MMP16: variants seen among roughly 807,000 people sequenced by gnomAD.
MMP16 encodes matrix metalloproteinase-16.
MMP16 carries 12 observed loss-of-function variants against 67.8 expected under a neutral mutation model. The ratio of observed to expected loss-of-function variants is 0.18; its 90% confidence interval spans 0.11 to 0.29. The LOEUF (loss-of-function observed/expected upper bound fraction) is 0.29, where lower values mean the gene tolerates loss of function less well. MMP16 is among the 10% of genes least tolerant of loss of function. The pLI is 1.00. For synonymous variants in MMP16, 249 were observed against 255.9 expected, an observed-to-expected ratio of 0.97 and a Z score of 0.26; for missense variants, 475 against 765.7, an observed-to-expected ratio of 0.62 and a Z score of 4.48.
At chr8:88,288,295 T>A (rs376832534) in intron 1 of MMP16, among the ~76,000 whole-genome samples, 6 of 152,356 alleles carry the variant, frequency 3.9e-5, no homozygotes, top group African/African-American at 1.4e-4. Context: ...TTCTTCCAAA[T>A]GCAGTTAAGC....
chr8:88,213,709 G>T (rs1207884911), intron 1 of MMP16, among the ~76,000 whole-genome samples: 1 of 152,078 alleles, frequency 6.6e-6, no homozygotes, highest in African/African-American at 2.4e-5. Flanking sequence ...TGAGCCTATG[G>T]CCCTGAGGCT....
chr8:88,197,320 TAC>T lies in MMP16; in HGVS notation c.133-16_133-15del. The T allele has an allele frequency of 1.3e-6, 2 of 1,536,128 alleles. No individual in the cohort carries two copies. The highest frequency in any genetic ancestry group is 1.7e-6 in the Non-Finnish European group (2 of 1,143,848). ...TTGTAACCAAACCTGCAATAACAAG[TAC>T]AGTTTCTTTTAGATCAATTTTACAA... On this transcript the variant is annotated splice_polypyrimidine_tract_variant and intron_variant, in intron 1 of 9. Transcript: ENST00000286614.
chr8:88,200,283 T>C (rs771573998), intron 1 of MMP16, among the ~76,000 whole-genome samples: 1 of 152,020 alleles, frequency 6.6e-6, no homozygotes, highest in Non-Finnish European at 1.5e-5. Flanking sequence ...TATGTTTTCT[T>C]CATTTTGTGC....
intron 8 of MMP16, among the ~76,000 whole-genome samples, chr8:88,047,096 TAGC>T (rs1808209120): frequency 1.3e-5 from 1 of 76,524 alleles, no homozygotes; most frequent in South Asian, 4.6e-4. Flanking sequence ...TAAAAAGTGC[TAGC>T]TAAGTATATT....
At chr8:88,159,843 G>A (rs1281864660) in intron 4 of MMP16, among the ~76,000 whole-genome samples, 2 of 151,944 alleles carry the variant, frequency 1.3e-5, no homozygotes, top group African/African-American at 4.8e-5. Context: ...TAGCATGAAG[G>A]GCTGTTGAAT....
rs565132080 is a variant in MMP16, at chr8:88,040,457, C to A, written c.*1004G>T. 15 of 152,262 alleles carry A rather than the reference C, an allele frequency of 9.9e-5. No homozygotes were observed. Among genetic ancestry groups the A allele is most frequent in the Admixed American group, 9.8e-4 (15 of 15,244 alleles). The allele number at this position is 152,262 out of a possible 1,614,324, so 9.4% of individuals were successfully genotyped here. ...GTCTGATAGTTCTCAAAGGGTTACACGGGTATGTTACTAGTGTCACAAATC... is the reference window on the plus strand; with the variant it reads ...GTCTGATAGTTCTCAAAGGGTTACAAGGGTATGTTACTAGTGTCACAAATC... On this transcript the variant is annotated 3_prime_UTR_variant, in exon 10 of 10. Transcript: ENST00000286614.
intron 1 of MMP16, among the ~76,000 whole-genome samples, chr8:88,211,890 G>A (rs1430104761): frequency 6.6e-6 from 1 of 152,060 alleles, no homozygotes; most frequent in African/African-American, 2.4e-5. Flanking sequence ...ATTTATCCTT[G>A]CATTGAGTAA....
intron 1 of MMP16, among the ~76,000 whole-genome samples, chr8:88,298,502 T>C (rs913773883): frequency 6.6e-6 from 1 of 152,180 alleles, no homozygotes; most frequent in African/African-American, 2.4e-5. Context: ...GCAAGACCAA[T>C]GGCTCGGCAG....
rs774726745 is a variant in MMP16, at chr8:88,167,860, C to T, written c.518G>A (p.Ser173Asn). 5 of 1,614,018 alleles carry T rather than the reference C, an allele frequency of 3.1e-6. No individual in the cohort carries two copies. Among genetic ancestry groups the T allele is most frequent in the Non-Finnish European group, 4.2e-6 (5 of 1,179,968 alleles). ...TPLTFEEVPY[S>N]ELENGKRDVD... is the part of the protein sequence containing the mutation. ...ATCACGTTTGCCATTTTCTAATTCA[C>T]TGTAGGGAACTTCTTCAAATGTCAG... Residue 173 changes from serine (S) to asparagine (N), a missense_variant, in exon 4 of 10, where the codon AGT becomes AAT. Physicochemically the swap from Ser to Asn is conservative, Grantham distance 46 (BLOSUM62 1). This residue lies in a region of MMP16 where 170 missense variants were observed against 239.6 expected (regional missense o/e 0.71). Coordinates refer to ENST00000286614, the MANE Select transcript of MMP16 (RefSeq NM_005941.5).
chr8:88,147,770 T>C lies in MMP16; in HGVS notation c.709+19899A>G, dbSNP rs913108367. 1.4e-4 allele frequency among the ~76,000 whole-genome samples: 19 copies of C among 138,180 alleles called. No individual in the cohort carries two copies. The East Asian group carries it at 3.2e-3, about 23-fold the overall frequency. 90.7% of individuals were successfully genotyped at this position (138,180 alleles called of 152,430 possible). On this transcript the variant is annotated intron_variant, in intron 4 of 9. Transcript: ENST00000286614. ...TTGGTCCACAGTAGTTACTATAAAA[T>C]ATGTGTTTGTGTGTGTGTGTGTGTG...
chr8:88,104,876 A>C (rs1456822235), intron 6 of MMP16, among the ~76,000 whole-genome samples: 1 of 151,570 alleles, frequency 6.6e-6, no homozygotes, highest in East Asian at 1.9e-4. Flanking sequence ...AGAAAAAAAA[A>C]ATCCAAAAAA....
chr8:88,239,294 CAAAAAAA>C (rs34599512), intron 1 of MMP16, among the ~76,000 whole-genome samples: 1 of 80,540 alleles, frequency 1.2e-5, no homozygotes, highest in Non-Finnish European at 2.2e-5. Flanking sequence ...GACGCAGTCT[CAAAAAAA>C]AAAAAAAAAA....
chr8:88,079,437 C>G (rs1808708382), intron 6 of MMP16, among the ~76,000 whole-genome samples: 1 of 152,074 alleles, frequency 6.6e-6, no homozygotes, highest in African/African-American at 2.4e-5. Flanking sequence ...TAGGTAAGAA[C>G]ATAGTGTATG....
chr8:88,106,611 C>A (rs1210202485), intron 6 of MMP16, among the ~76,000 whole-genome samples: 1 of 151,164 alleles, frequency 6.6e-6, no homozygotes, highest in Non-Finnish European at 1.5e-5. Flanking sequence ...TAGTTCCCCA[C>A]ATTTTCACAA....
chr8:88,194,502 TG>T (rs1324948183), intron 2 of MMP16, among the ~76,000 whole-genome samples: 1 of 152,048 alleles, frequency 6.6e-6, no homozygotes, highest in East Asian at 1.9e-4. Context: ...ATCATGATGA[TG>T]GGGATTATAC....
chr8:88,040,052 T>A lies in MMP16; in HGVS notation c.*1409A>T, dbSNP rs1808110670. 6.6e-6 allele frequency: 1 copy of A among 152,594 alleles called. No individual in the cohort carries two copies. Among genetic ancestry groups the A allele is most frequent in the African/African-American group, 2.4e-5 (1 of 41,434 alleles). The allele number at this position is 152,594 out of a possible 1,614,324, so 9.5% of individuals were successfully genotyped here. A position where few individuals can be genotyped will look rare whatever the true frequency, so the allele number is the denominator to read the frequency against. ...CTTCAGAGTCACCGTTTTAATTCAT[T>A]TTTAAAATGGCAATGCTAACTGCAT... is the stretch of plus-strand genomic sequence containing the variant. On this transcript the variant is annotated 3_prime_UTR_variant, in exon 10 of 10. Coordinates refer to ENST00000286614, the MANE Select transcript of MMP16 (RefSeq NM_005941.5).
chr8:88,225,855 CT>C (rs1809761105), intron 1 of MMP16, among the ~76,000 whole-genome samples: 1 of 151,978 alleles, frequency 6.6e-6, no homozygotes, highest in Admixed American at 6.6e-5. Flanking sequence ...GTATGGGACA[CT>C]GTACCTTATT....
chr8:88,198,534 ACATATTTTCCCAGTGAAAAT>A (rs1158936096), intron 1 of MMP16, among the ~76,000 whole-genome samples: 1 of 152,114 alleles, frequency 6.6e-6, no homozygotes, highest in Non-Finnish European at 1.5e-5. Context: ...AAAACAGGAG[ACATATTTTCCCAGTGAAAAT>A]AACCAGCAAA....
chr8:88,194,020 G>A (rs1169521932), intron 2 of MMP16, among the ~76,000 whole-genome samples: 3 of 151,640 alleles, frequency 2.0e-5, no homozygotes, highest in Non-Finnish European at 4.4e-5. Flanking sequence ...TCATTCTGTG[G>A]GAGGGAATAA....
Sources: allele counts gnomAD v4.1 joint callset (sites outside exome capture counted in the v4.1 genomes callset), GRCh38; gene constraint gnomAD v4.1.1; regional missense constraint gnomAD v4.1.1; transcripts MANE v1.5; gene names NCBI Gene and HGNC (gene_info 2026-07-23, HGNC 2026-07-21).